The following SGPP2 variants were observed in gnomAD, a reference collection of about 807,000 sequenced individuals.
SGPP2 encodes sphingosine-1-phosphate phosphatase 2.
A neutral mutation model predicts 33.9 loss-of-function variants in SGPP2; 30 were observed. The ratio of observed to expected loss-of-function variants is 0.89; its 90% CI spans 0.66 to 1.20. The LOEUF is 1.20. Ranked by LOEUF, SGPP2 falls within the 50% of genes most tolerant of loss-of-function variation. The pLI, the probability that SGPP2 is intolerant of heterozygous loss-of-function variation, is 0.00. For missense variants in SGPP2, 458 were observed against 532.1 expected, an observed-to-expected ratio of 0.86 and a Z score of 1.37; for synonymous variants, 233 against 225.0, an observed-to-expected ratio of 1.04 and a Z score of -0.32.
chr2:222,496,753 A>G (rs1292144476), intron 2 of SGPP2, among the ~76,000 whole-genome samples: 5 of 152,002 alleles, frequency 3.3e-5, no homozygotes, highest in African/African-American at 4.8e-5. Flanking sequence ...TCTGCCTTTC[A>G]TGCTCTCACC....
intron 2 of SGPP2, among the ~76,000 whole-genome samples, chr2:222,508,487 G>A (rs1698478673): frequency 6.6e-6 from 1 of 152,176 alleles, no homozygotes; most frequent in African/African-American, 2.4e-5. Flanking sequence ...GATAATGTCT[G>A]TGAAAGTATA....
chr2:222,522,292 C>T (rs1247635909), intron 3 of SGPP2, among the ~76,000 whole-genome samples: 1 of 140,744 alleles, frequency 7.1e-6, no homozygotes, highest in Non-Finnish European at 1.6e-5. Flanking sequence ...CCTCTGTTTG[C>T]AAGAGGAGTT....
rs903377355 is a variant in SGPP2, at chr2:222,424,694, C to A, written c.92C>A (p.Pro31His). The A allele has an allele frequency of 6.9e-7, 1 of 1,451,656 alleles. No homozygotes were observed. The highest frequency in any genetic ancestry group is 9.1e-7 in the Non-Finnish European group (1 of 1,104,290). The allele number at this position is 1,451,656 out of a possible 1,614,324, so 89.9% of individuals were successfully genotyped here. A position where few individuals can be genotyped will look rare whatever the true frequency, so the allele number is the denominator to read the frequency against. ...CGLFPAPDEG[P>H]RENGADPTER... is the part of the protein sequence containing the mutation. ...CTCTTCCCCGCTCCGGATGAAGGCC[C>A]CCGGGAGAACGGCGCGGACCCCACG... The change falls in exon 1 of 5, where the codon CCC becomes CAC. Residue 31 changes from proline (P) to histidine (H), a missense_variant. Physicochemically the swap from Pro to His is moderately conservative, Grantham distance 77. Transcript: ENST00000321276.
chr2:222,512,447 C>T (rs1698544054), intron 2 of SGPP2, among the ~76,000 whole-genome samples: 1 of 152,128 alleles, frequency 6.6e-6, no homozygotes, highest in South Asian at 2.1e-4. Flanking sequence ...CACAGTGATA[C>T]ATTTGGTACA....
At position 222,560,034 on chromosome 2, in the gene SGPP2, CA is replaced by C. The variant is rs1341558325; in HGVS notation, c.*1137del. 3.9e-5 allele frequency: 6 copies of C among 152,468 alleles called. No homozygotes were observed. In the South Asian group the frequency reaches 6.2e-4, roughly 16 times the overall value. 9.4% of individuals were successfully genotyped at this position (152,468 alleles called of 1,614,324 possible). On this transcript the variant is annotated 3_prime_UTR_variant, in exon 5 of 5. Coordinates refer to ENST00000321276, the MANE Select transcript of SGPP2 (RefSeq NM_152386.4). ...ACCAAACAGGTTGGGGGTTAGCCTT[CA>C]GCACAGGTGGATACATCTGGGATTC... is the stretch of plus-strand genomic sequence containing the variant.
intron 2 of SGPP2, among the ~76,000 whole-genome samples, chr2:222,479,262 A>G (rs1284926718): frequency 6.6e-6 from 1 of 152,152 alleles, no homozygotes; most frequent in Non-Finnish European, 1.5e-5. Flanking sequence ...AAAGATGCTA[A>G]AACTGGGGCT....
chr2:222,451,287 ATTAGC>A (rs1248230409), intron 1 of SGPP2, among the ~76,000 whole-genome samples: 1 of 152,242 alleles, frequency 6.6e-6, no homozygotes, highest in African/African-American at 2.4e-5. Context: ...CTGTAAAATG[ATTAGC>A]TTAGTTTCTT....
chr2:222,441,568 AT>A (rs1464795645), intron 1 of SGPP2, among the ~76,000 whole-genome samples: 3 of 152,320 alleles, frequency 2.0e-5, no homozygotes, highest in Admixed American at 1.3e-4. Flanking sequence ...TTTCAAAAGG[AT>A]CTGGAGTGAT....
intron 3 of SGPP2, among the ~76,000 whole-genome samples, chr2:222,524,719 T>C (rs1029543264): frequency 2.6e-5 from 4 of 152,144 alleles, no homozygotes; most frequent in African/African-American, 9.7e-5. Flanking sequence ...TGCTTATATG[T>C]TGTGAAACTT....
intron 2 of SGPP2, among the ~76,000 whole-genome samples, chr2:222,513,122 A>G (rs1698555848): frequency 2.0e-5 from 3 of 152,216 alleles, no homozygotes; most frequent in Admixed American, 2.0e-4. Context: ...ATTGTTCCAC[A>G]TCCTTGTCAG....
At position 222,524,996 on chromosome 2, in the gene SGPP2, G is replaced by T. The variant is rs771111733; in HGVS notation, c.611G>T (p.Cys204Phe). 12 of 1,613,998 alleles carry T rather than the reference G, an allele frequency of 7.4e-6. No homozygotes were observed. The South Asian group carries it at 1.3e-4, about 18-fold the overall frequency. Residue 204 changes from cysteine to phenylalanine, a missense_variant, in exon 4 of 5, where the codon TGT becomes TTT. Physicochemically the swap from Cys to Phe is radical, Grantham distance 205 (BLOSUM62 -2). Transcript: ENST00000321276. The stretch of plus-strand genomic sequence containing the variant: ...GCCGTGGTGTTTTCCACCTTGGTGT[G>T]TCTCAGCAGGCTCTACACTGGGATG... ...VMAVVFSTLV[C>F]LSRLYTGMHT...
chr2:222,540,341 GATGTC>G (rs1435313959), intron 4 of SGPP2, among the ~76,000 whole-genome samples: 1 of 152,098 alleles, frequency 6.6e-6, no homozygotes, highest in Non-Finnish European at 1.5e-5. Flanking sequence ...TTTTTCATGT[GATGTC>G]ATGTCAGTAT....
At chr2:222,466,814 A>G (rs1162493609) in intron 1 of SGPP2, among the ~76,000 whole-genome samples, 3 of 152,198 alleles carry the variant, frequency 2.0e-5, no homozygotes, top group Non-Finnish European at 2.9e-5. Flanking sequence ...GTGCAGTAGC[A>G]TATTTCTTTC....
chr2:222,508,452 T>G (rs1698478235), intron 2 of SGPP2, among the ~76,000 whole-genome samples: 1 of 152,184 alleles, frequency 6.6e-6, no homozygotes, highest in Non-Finnish European at 1.5e-5. Context: ...ATCTGTAAAA[T>G]AAGGATGATG....
At chr2:222,478,501 G>A (rs1697983956) in intron 2 of SGPP2, among the ~76,000 whole-genome samples, 1 of 152,156 alleles carries the variant, frequency 6.6e-6, no homozygotes, top group South Asian at 2.1e-4. Context: ...TGCTGAGGCA[G>A]CCTTTCTTCA....
chr2:222,516,753 G>A (rs927961345), intron 2 of SGPP2, among the ~76,000 whole-genome samples: 5 of 151,990 alleles, frequency 3.3e-5, no homozygotes, highest in Non-Finnish European at 7.4e-5. Context: ...GTGAATTTTG[G>A]GGAACACACT....
At chr2:222,463,442 A>G (rs1358230986) in intron 1 of SGPP2, among the ~76,000 whole-genome samples, 1 of 152,026 alleles carries the variant, frequency 6.6e-6, no homozygotes, top group Non-Finnish European at 1.5e-5. Flanking sequence ...CCCTGTCTCT[A>G]CAAAATATAA....
At chr2:222,528,742 G>C (rs1002629229) in intron 4 of SGPP2, among the ~76,000 whole-genome samples, 1 of 151,934 alleles carries the variant, frequency 6.6e-6, no homozygotes, top group Non-Finnish European at 1.5e-5. Context: ...TCGGCCTCCC[G>C]AGTAGCTGGG....
intron 1 of SGPP2, among the ~76,000 whole-genome samples, chr2:222,464,242 C>T (rs1157806170): frequency 6.6e-6 from 1 of 152,210 alleles, no homozygotes; most frequent in Non-Finnish European, 1.5e-5. Flanking sequence ...ATTTAAAGGG[C>T]AGCTGGCTCT....
Sources: allele counts gnomAD v4.1 joint callset (sites outside exome capture counted in the v4.1 genomes callset), GRCh38; gene constraint gnomAD v4.1.1; transcripts MANE v1.5; gene names NCBI Gene and HGNC (gene_info 2026-07-23, HGNC 2026-07-21).